The following NOX3 variants were observed in gnomAD, a reference collection of about 807,000 sequenced individuals.
NOX3 encodes the protein NADPH oxidase catalytic subunit-like 3.
Under a neutral mutation model 76.7 loss-of-function variants are expected in NOX3, and 74 were observed. The observed-to-expected ratio is 0.96, with a 90% CI of 0.80 to 1.17. NOX3 has a LOEUF of 1.17. NOX3 is among the 50% of genes most tolerant of loss of function. The probability of loss-of-function intolerance (pLI) is 0.00; values close to 1 mark genes in which losing one functional copy is unlikely to be tolerated. For missense variants in NOX3, 695 were observed against 703.3 expected (o/e 0.99, Z 0.13); for synonymous variants, 263 against 261.1 (o/e 1.01, Z -0.07).
intron 9 of NOX3, among the ~76,000 whole-genome samples, chr6:155,425,954 C>T (rs1260086316): frequency 2.0e-5 from 3 of 152,162 alleles, no homozygotes; most frequent in Non-Finnish European, 4.4e-5. Context: ...GCTTCCCCTC[C>T]TGGGCATCTC....
intron 4 of NOX3, among the ~76,000 whole-genome samples, chr6:155,449,950 T>C (rs1478381269): frequency 1.3e-5 from 2 of 152,224 alleles, no homozygotes; most frequent in African/African-American, 4.8e-5. Context: ...GCATTTTTTT[T>C]CCTCCCAAAA....
intron 4 of NOX3, among the ~76,000 whole-genome samples, chr6:155,443,798 T>A (rs910291263): frequency 6.6e-6 from 1 of 151,804 alleles, no homozygotes. Flanking sequence ...TCTAGAGTAC[T>A]GTACATTATA....
At chr6:155,446,791 C>A (rs1259950427) in intron 4 of NOX3, among the ~76,000 whole-genome samples, 1 of 152,070 alleles carries the variant, frequency 6.6e-6, no homozygotes, top group Non-Finnish European at 1.5e-5. Flanking sequence ...GGTGTAAATG[C>A]TCCTTTTATA....
chr6:155,411,596 C>T (rs757749045), intron 10 of NOX3, among the ~76,000 whole-genome samples: 2 of 152,138 alleles, frequency 1.3e-5, no homozygotes, highest in Non-Finnish European at 2.9e-5. Flanking sequence ...GCCTGTGGGC[C>T]GTGCCAGTTT....
chr6:155,418,479 T>C (rs1327002501), intron 10 of NOX3, among the ~76,000 whole-genome samples: 1 of 152,200 alleles, frequency 6.6e-6, no homozygotes, highest in African/African-American at 2.4e-5. Context: ...TTTCATGTAT[T>C]ACAACTTTTT....
At chr6:155,398,546 A>G (rs1359656395) in intron 12 of NOX3, among the ~76,000 whole-genome samples, 2 of 152,250 alleles carry the variant, frequency 1.3e-5, no homozygotes, top group East Asian at 3.9e-4. Flanking sequence ...AAAGGAACTT[A>G]TCAATGGCTT....
chr6:155,421,535 A>G (rs1029732242), intron 10 of NOX3, among the ~76,000 whole-genome samples: 1 of 152,246 alleles, frequency 6.6e-6, no homozygotes, highest in Admixed American at 6.5e-5. Flanking sequence ...TGGGAAAGAT[A>G]GATGAAACAA....
chr6:155,445,525 C>T (rs183025370), intron 4 of NOX3, among the ~76,000 whole-genome samples: 1 of 152,262 alleles, frequency 6.6e-6, no homozygotes, highest in East Asian at 1.9e-4. Context: ...TGCTATCACT[C>T]CCTTTTCTGA....
chr6:155,414,083 T>C (rs1776592024), intron 10 of NOX3, among the ~76,000 whole-genome samples: 1 of 152,228 alleles, frequency 6.6e-6, no homozygotes, highest in South Asian at 2.1e-4. Context: ...TTGTGTGTTT[T>C]TCCCTCCGTA....
At position 155,415,281 on chromosome 6, in the gene NOX3, T is replaced by G. The variant is rs554548344; in HGVS notation, c.1309-3921A>C. The stretch of plus-strand genomic sequence containing the variant: ...TGATAAACAGTTTCAGAAAATGAAT[T>G]GAGAAGCACTACCAATCTGTGTTAC... On this transcript the variant is annotated intron_variant, in intron 10 of 13. Transcript: ENST00000159060. 1.1e-4 allele frequency among the ~76,000 whole-genome samples: 16 copies of G among 152,316 alleles called. 1 individual carries two copies. In the South Asian group the frequency reaches 1.7e-3, roughly 16 times the overall value.
intron 6 of NOX3, among the ~76,000 whole-genome samples, chr6:155,438,558 C>T (rs974193376): frequency 6.6e-6 from 1 of 152,204 alleles, no homozygotes; most frequent in African/African-American, 2.4e-5. Flanking sequence ...GTGGCAGCGG[C>T]AGAACTGCCA....
At chr6:155,423,677 T>G (rs192808358) in intron 9 of NOX3, among the ~76,000 whole-genome samples, 1 of 152,260 alleles carries the variant, frequency 6.6e-6, no homozygotes, top group Admixed American at 6.5e-5. Flanking sequence ...CACACGGCCT[T>G]TGCATGCGAT....
At chr6:155,449,575 T>G (rs1777108536) in intron 4 of NOX3, among the ~76,000 whole-genome samples, 1 of 151,828 alleles carries the variant, frequency 6.6e-6, no homozygotes. Flanking sequence ...AAAAGAAGAG[T>G]TCCTGTCACT....
At chr6:155,450,629 G>C (rs2114710172) in intron 4 of NOX3, among the ~76,000 whole-genome samples, 1 of 152,306 alleles carries the variant, frequency 6.6e-6, no homozygotes, top group East Asian at 1.9e-4. Context: ...GGCTGCGCTG[G>C]GGGAGGTAGG....
rs1249110312 is a variant in NOX3 at position 155,454,906 on chromosome 6, C to T, written c.160G>A (p.Ala54Thr). The T allele has an allele frequency of 6.2e-7, 1 of 1,611,062 alleles. No homozygotes were observed. The highest frequency in any genetic ancestry group is 8.5e-7 in the Non-Finnish European group (1 of 1,179,076). Residue 54 changes from alanine to threonine, a missense_variant, in exon 3 of 14, where the codon GCA (alanine) becomes ACA (threonine). By Grantham distance (58) the Ala-to-Thr change is moderately conservative. Transcript: ENST00000159060. ...RVILGSTLAWARASALCLNFN... is the reference protein window; with the variant it reads ...RVILGSTLAWTRASALCLNFN... ...TTCAGGCACAGTGCGGATGCTCGTG[C>T]CCAAGCCAGTGTTGACTGTCCACAT...
At chr6:155,451,769 C>A (rs992297472) in intron 4 of NOX3, among the ~76,000 whole-genome samples, 2 of 152,062 alleles carry the variant, frequency 1.3e-5, no homozygotes, top group Non-Finnish European at 1.5e-5. Flanking sequence ...GGACTATAGG[C>A]ATGCACCACC....
chr6:155,410,296 A>AGTGTGTGTGTGT (rs142349696), intron 11 of NOX3, among the ~76,000 whole-genome samples: 4,513 of 149,404 alleles, frequency 0.03, 104 homozygotes, highest in African/African-American at 0.052. Flanking sequence ...CTATAAGGCC[A>AGTGTGTGTGTGT]GTGTGTGTGT....
At position 155,440,091 on chromosome 6, in the gene NOX3, A is replaced by C; in HGVS notation, c.533T>G (p.Leu178Arg). Residue 178 changes from leucine to arginine, a missense_variant, in exon 6 of 14, where the codon CTG becomes CGG. Transcript: ENST00000159060. ...LLRTIAGVTG[L>R]VISLALVLIM... ...CAAGACTAAAGCCAGAGAGATCACCAGACCGGTGACGCCTGCTATTGTCCT... is the reference window on the plus strand; with the variant it reads ...CAAGACTAAAGCCAGAGAGATCACCCGACCGGTGACGCCTGCTATTGTCCT... The C allele has an allele frequency of 6.2e-7, 1 of 1,613,730 alleles. No individual in the cohort carries two copies.
At chr6:155,433,943 C>T (rs1406497511) in intron 7 of NOX3, among the ~76,000 whole-genome samples, 1 of 152,156 alleles carries the variant, frequency 6.6e-6, no homozygotes, top group African/African-American at 2.4e-5. Context: ...CAAAAAGTCA[C>T]GCTACAGTGA....
Sources: gnomAD v4.1 joint callset for allele counts (sites outside exome capture counted in the v4.1 genomes callset) on GRCh38, gnomAD v4.1.1 for gene constraint, MANE v1.5 for transcripts, NCBI Gene and HGNC (gene_info 2026-07-23, HGNC 2026-07-21) for gene names.